GDAP2: variants seen among roughly 807,000 people sequenced by gnomAD.
The protein encoded by GDAP2 is ganglioside induced differentiation associated protein 2.
In GDAP2, 51 loss-of-function variants were observed where a neutral mutation model predicts 67.0. That is an observed-to-expected ratio of 0.76 (90% CI 0.61 to 0.96). The LOEUF is 0.96. Among genes scored for constraint, GDAP2 ranks in the 40% least tolerant of loss-of-function variants. The probability of loss-of-function intolerance (pLI) is 0.00; values close to 1 mark genes in which losing one functional copy is unlikely to be tolerated. For missense variants in GDAP2, 547 were observed against 588.3 expected (o/e 0.93, Z 0.73); for synonymous variants, 203 against 207.3 (o/e 0.98, Z 0.18).
intron 1 of GDAP2, among the ~76,000 whole-genome samples, chr1:117,926,943 A>C (rs1557813392): frequency 6.6e-6 from 1 of 152,170 alleles, no homozygotes; most frequent in Non-Finnish European, 1.5e-5. Context: ...TGTCCACTGA[A>C]AATCAGTTGA....
At chr1:117,874,619 A>C (rs993706930) in intron 13 of GDAP2, among the ~76,000 whole-genome samples, 3 of 152,214 alleles carry the variant, frequency 2.0e-5, no homozygotes, top group Non-Finnish European at 4.4e-5. Flanking sequence ...AGAGACCTGA[A>C]AATGTGGAAG....
chr1:117,870,488 A>T lies in GDAP2; in HGVS notation c.*81T>A. 1 of 886,066 alleles carries T rather than the reference A, an allele frequency of 1.1e-6. No individual in the cohort carries two copies. The highest frequency in any genetic ancestry group is 1.6e-5 in the African/African-American group (1 of 60,890). The allele number at this position is 886,066 out of a possible 1,614,324, so 54.9% of individuals were successfully genotyped here. A position where few individuals can be genotyped will look rare whatever the true frequency, so the allele number is the denominator to read the frequency against. On this transcript the variant is annotated 3_prime_UTR_variant, in exon 14 of 14. Coordinates refer to ENST00000369443, the MANE Select transcript of GDAP2 (RefSeq NM_017686.4). ...AAAGGCTCTCTGGATCTGTACAGCA[A>T]CAATGAATATCACTTCAACAGGTAG...
chr1:117,914,975 G>T lies in GDAP2; in HGVS notation c.317-2292C>A, dbSNP rs149627818. ...TCCCAGGATGATGTTAAAAAAAAAA[G>T]TTCCAGAACAGTAACTGTGCAGCAG... On this transcript the variant is annotated intron_variant, in intron 3 of 13. Transcript: ENST00000369443. Among the ~76,000 whole-genome samples the T allele has an allele frequency of 3.0e-3, 449 of 152,016 alleles. 5 individuals carry two copies. The highest frequency in any genetic ancestry group is 0.01 in the African/African-American group (429 of 41,458).
intron 12 of GDAP2, among the ~76,000 whole-genome samples, 175 bp downstream of exon 12, chr1:117,881,648 G>A (rs915695922): frequency 4.6e-5 from 7 of 152,144 alleles, no homozygotes; most frequent in Non-Finnish European, 8.8e-5. Context: ...CCACAAAGGC[G>A]CTGGAGTCAC....
intron 1 of GDAP2, among the ~76,000 whole-genome samples, chr1:117,921,245 A>AC (rs1650244862): frequency 6.6e-6 from 1 of 152,116 alleles, no homozygotes. Flanking sequence ...CGTCTAAAAA[A>AC]AAAATATTTG....
intron 1 of GDAP2, among the ~76,000 whole-genome samples, chr1:117,925,944 A>G (rs1339597776): frequency 6.6e-6 from 1 of 152,084 alleles, no homozygotes; most frequent in Non-Finnish European, 1.5e-5. Context: ...AATTTAATCA[A>G]TTTCCTTCAT....
At chr1:117,917,180 T>C (rs1257231138) in intron 3 of GDAP2, among the ~76,000 whole-genome samples, 2 of 152,244 alleles carry the variant, frequency 1.3e-5, no homozygotes, top group African/African-American at 4.8e-5. Flanking sequence ...AATTTTTTCA[T>C]TTTTTGGCTT....
chr1:117,900,587 G>A (rs1649416401), intron 6 of GDAP2, among the ~76,000 whole-genome samples: 1 of 152,050 alleles, frequency 6.6e-6, no homozygotes, highest in Non-Finnish European at 1.5e-5. Context: ...CCAACATGGT[G>A]AAACCCCGTC....
intron 1 of GDAP2, among the ~76,000 whole-genome samples, chr1:117,929,155 C>G (rs1330380918): frequency 6.6e-6 from 1 of 152,178 alleles, no homozygotes; most frequent in Non-Finnish European, 1.5e-5. Flanking sequence ...TCCCGCCTGC[C>G]CCATTTCACC....
chr1:117,871,787 G>A (rs1648294428), intron 13 of GDAP2, among the ~76,000 whole-genome samples: 1 of 152,038 alleles, frequency 6.6e-6, no homozygotes, highest in African/African-American at 2.4e-5. Flanking sequence ...CCTAGGATAG[G>A]CTACATTTCT....
chr1:117,886,515 T>C, intron 10 of GDAP2, 62 bp downstream of exon 10: 2 of 904,586 alleles, frequency 2.2e-6, no homozygotes. Context: ...GATTCCAAAT[T>C]CATATACTAC....
chr1:117,925,709 T>C (rs1376846581), intron 1 of GDAP2, among the ~76,000 whole-genome samples: 1 of 152,182 alleles, frequency 6.6e-6, no homozygotes, highest in Non-Finnish European at 1.5e-5. Flanking sequence ...AGGACCATCA[T>C]CTAATAGTTT....
chr1:117,883,685 A>G, intron 10 of GDAP2, 58 bp from the exon 11 acceptor site: 1 of 1,306,100 alleles, frequency 7.7e-7, no homozygotes, highest in Admixed American at 2.1e-5. Flanking sequence ...TCTATTTCAC[A>G]GAGACCAAGA....
chr1:117,916,270 G>T (rs902270769), intron 3 of GDAP2, among the ~76,000 whole-genome samples: 1 of 152,188 alleles, frequency 6.6e-6, no homozygotes, highest in Admixed American at 6.5e-5. Context: ...GTTGACAACT[G>T]AGAGAAAGAA....
intron 1 of GDAP2, among the ~76,000 whole-genome samples, chr1:117,922,000 G>A (rs1178042605): frequency 1.3e-5 from 2 of 152,212 alleles, no homozygotes; most frequent in South Asian, 2.1e-4. Flanking sequence ...TTACCGAGAA[G>A]GGAAAAACTG....
At chr1:117,880,860 A>G (rs1018186776) in intron 12 of GDAP2, among the ~76,000 whole-genome samples, 2 of 152,220 alleles carry the variant, frequency 1.3e-5, no homozygotes, top group African/African-American at 4.8e-5. Flanking sequence ...GTGCTCAGAA[A>G]ACTTAAGCTA....
chr1:117,882,046 GA>G (rs943299140), intron 11 of GDAP2, among the ~76,000 whole-genome samples, 169 bp from the exon 12 acceptor site: 5 of 152,074 alleles, frequency 3.3e-5, no homozygotes, highest in African/African-American at 9.7e-5. Context: ...AAACAATTCA[GA>G]GAACATTCCA....
intron 6 of GDAP2, among the ~76,000 whole-genome samples, chr1:117,900,513 A>T (rs1046322161): frequency 2.0e-5 from 3 of 152,184 alleles, no homozygotes; most frequent in Non-Finnish European, 4.4e-5. Flanking sequence ...CATGCCTGTA[A>T]TCACAGCATT....
intron 13 of GDAP2, chr1:117,877,401 T>C: frequency 1.0e-6 from 1 of 984,310 alleles, no homozygotes; most frequent in Non-Finnish European, 1.2e-6. Flanking sequence ...GTGTTACTTT[T>C]TTTTTTTCAA....
Sources: allele counts gnomAD v4.1 joint callset (sites outside exome capture counted in the v4.1 genomes callset), GRCh38; gene constraint gnomAD v4.1.1; transcripts MANE v1.5; gene names NCBI Gene and HGNC (gene_info 2026-07-23, HGNC 2026-07-21).